DAPK1: variants seen among roughly 807,000 people sequenced by gnomAD.
DAPK1 encodes the protein death associated protein kinase 1, also known as death-associated protein kinase 1.
Under a neutral mutation model 144.9 loss-of-function variants are expected in DAPK1, and 56 were observed. That is an observed-to-expected ratio of 0.39 (90% confidence interval 0.31 to 0.48). DAPK1 has a LOEUF of 0.48. Among genes scored for constraint, DAPK1 ranks in the 20% least tolerant of loss-of-function variants. The probability of loss-of-function intolerance (pLI) is 0.95; values close to 1 mark genes in which losing one functional copy is unlikely to be tolerated. For synonymous variants in DAPK1, 690 were observed against 749.0 expected (o/e 0.92, Z 1.29); for missense variants, 1,454 against 1,875.4 (o/e 0.78, Z 4.15).
intron 3 of DAPK1, among the ~76,000 whole-genome samples, chr9:87,606,858 A>G (rs13298837): frequency 0.13 from 18,679 of 144,634 alleles, 1,247 homozygotes; most frequent in East Asian, 0.21. Flanking sequence ...GCAGTTCTCA[A>G]TCTTGGCACA....
At chr9:87,675,645 A>G in intron 19 of DAPK1, among the ~76,000 whole-genome samples, 1 of 151,882 alleles carries the variant, frequency 6.6e-6, no homozygotes, top group African/African-American at 2.4e-5. Flanking sequence ...CTCAGACTGG[A>G]GCCTCAGGGT....
chr9:87,593,651 C>T (rs1828216319), intron 2 of DAPK1, among the ~76,000 whole-genome samples: 1 of 151,666 alleles, frequency 6.6e-6, no homozygotes, highest in Admixed American at 6.6e-5. Flanking sequence ...ATCTGACTTT[C>T]TTCTTCTTCT....
intron 2 of DAPK1, among the ~76,000 whole-genome samples, chr9:87,511,573 T>G (rs1824843252): frequency 6.6e-6 from 1 of 152,204 alleles, no homozygotes; most frequent in African/African-American, 2.4e-5. Flanking sequence ...GATATCATCC[T>G]GGTGTTACAG....
intron 19 of DAPK1, among the ~76,000 whole-genome samples, chr9:87,678,439 G>A (rs1372524251): frequency 6.6e-6 from 1 of 152,194 alleles, no homozygotes; most frequent in Non-Finnish European, 1.5e-5. Flanking sequence ...CCCCACAGAC[G>A]CCCACGGACA....
At chr9:87,518,719 CGTA>C (rs1219464487) in intron 2 of DAPK1, among the ~76,000 whole-genome samples, 1 of 152,072 alleles carries the variant, frequency 6.6e-6, no homozygotes, top group African/African-American at 2.4e-5. Context: ...TGTGGAGTAG[CGTA>C]GAACCGTATG....
chr9:87,664,958 C>T (rs1587825902), intron 18 of DAPK1, among the ~76,000 whole-genome samples: 1 of 152,212 alleles, frequency 6.6e-6, no homozygotes, highest in Non-Finnish European at 1.5e-5. Flanking sequence ...CGCCCGGGGG[C>T]CTTTGCACTT....
At position 87,640,822 on chromosome 9, in the gene DAPK1, A is replaced by G. The variant is rs1445117779; in HGVS notation, c.803A>G (p.Asp268Gly). Reference sequence around the variant, plus strand: ...TCAAGGAAGAGAATGACAATTCAAGATAGTTTGCAGCATCCCTGGATCAAG... The same window carrying G: ...TCAAGGAAGAGAATGACAATTCAAGGTAGTTTGCAGCATCCCTGGATCAAG... ...KDPKKRMTIQ[D>G]SLQHPWIKPK... Residue 268 changes from aspartate to glycine, a missense_variant, in exon 9 of 26, where the codon GAT becomes GGT. Physicochemically the swap from Asp to Gly is moderately conservative, Grantham distance 94. Around this residue, in one of 2 missense-constraint regions of DAPK1, gnomAD observed 429 missense variants for 637.5 expected, o/e 0.67. Transcript: ENST00000408954. 11 of 1,614,118 alleles carry G rather than the reference A, an allele frequency of 6.8e-6. No homozygotes were observed. Among genetic ancestry groups the G allele is most frequent in the South Asian group, 3.3e-5 (3 of 91,080 alleles).
Position 87,598,427 on chromosome 9 carries a change from G to A in DAPK1, c.63-6527G>A, listed in dbSNP as rs148382720. On this transcript the variant is annotated intron_variant, in intron 2 of 25. Transcript: ENST00000408954. Reference sequence around the variant, plus strand: ...ATAATTTTTAACTGCATATGTATTCGGTAGATGCATATTTAAAGTAAAAAC... The same window carrying A: ...ATAATTTTTAACTGCATATGTATTCAGTAGATGCATATTTAAAGTAAAAAC... Among the ~76,000 whole-genome samples the A allele has an allele frequency of 5.7e-3, 865 of 152,152 alleles. 6 individuals are homozygous for A. Among genetic ancestry groups the A allele is most frequent in the African/African-American group, 0.02 (831 of 41,508 alleles).
intron 18 of DAPK1, among the ~76,000 whole-genome samples, chr9:87,664,989 G>A (rs1343550989): frequency 6.6e-6 from 1 of 152,154 alleles, no homozygotes. Flanking sequence ...GGCCTGAGTG[G>A]CTCTTCCCCA....
intron 13 of DAPK1, 128 bp downstream of exon 13, chr9:87,646,687 G>A: frequency 1.4e-6 from 1 of 693,272 alleles, no homozygotes; most frequent in Non-Finnish European, 2.4e-6. Context: ...AGGAAGATGA[G>A]CTGCTTTTAA....
intron 2 of DAPK1, among the ~76,000 whole-genome samples, chr9:87,502,631 T>A (rs1200757980): frequency 6.6e-6 from 1 of 152,150 alleles, no homozygotes; most frequent in Non-Finnish European, 1.5e-5. Flanking sequence ...TATTGCACCA[T>A]CTGACCTTAT....
intron 2 of DAPK1, among the ~76,000 whole-genome samples, chr9:87,592,731 T>G (rs985590120): frequency 1.3e-5 from 2 of 151,994 alleles, no homozygotes; most frequent in Non-Finnish European, 2.9e-5. Flanking sequence ...TTCCAGGGAG[T>G]TCTGCTTCCA....
At chr9:87,687,904 T>A (rs922663979) in intron 21 of DAPK1, among the ~76,000 whole-genome samples, 1 of 152,224 alleles carries the variant, frequency 6.6e-6, no homozygotes, top group Admixed American at 6.5e-5. Context: ...TTAGTGATAT[T>A]GAACATTTTT....
At chr9:87,643,500 T>C (rs62576207) in intron 11 of DAPK1, 32 bp downstream of exon 11, 686,920 of 1,397,978 alleles carry the variant, frequency 0.49, 173,551 homozygotes, top group East Asian at 0.75. Context: ...GGTGCTCCTT[T>C]CTTAGCACTG....
At chr9:87,659,473 T>C (rs1587819943) in intron 18 of DAPK1, among the ~76,000 whole-genome samples, 1 of 152,214 alleles carries the variant, frequency 6.6e-6, no homozygotes. Context: ...CGAAGAAATA[T>C]TTTTGTCCTA....
At chr9:87,617,521 C>G (rs1381181364) in intron 3 of DAPK1, among the ~76,000 whole-genome samples, 1 of 152,222 alleles carries the variant, frequency 6.6e-6, no homozygotes, top group Non-Finnish European at 1.5e-5. Flanking sequence ...TCCATACTCA[C>G]TCCCTTCTCT....
At chr9:87,525,683 C>G (rs1177619227) in intron 2 of DAPK1, among the ~76,000 whole-genome samples, 2 of 147,626 alleles carry the variant, frequency 1.4e-5, no homozygotes, top group African/African-American at 5.4e-5. Context: ...TCCACCTCCT[C>G]CATGTTTTCC....
At chr9:87,603,743 A>C (rs1385122726) in intron 2 of DAPK1, among the ~76,000 whole-genome samples, 1 of 152,166 alleles carries the variant, frequency 6.6e-6, no homozygotes, top group Admixed American at 6.5e-5. Flanking sequence ...CTAGGGAAGA[A>C]CGAAGGGCAC....
intron 2 of DAPK1, among the ~76,000 whole-genome samples, chr9:87,570,345 T>G (rs1181063886): frequency 6.6e-6 from 1 of 152,210 alleles, no homozygotes; most frequent in Non-Finnish European, 1.5e-5. Flanking sequence ...TACTAGAAGT[T>G]GTCCATTAGC....
Sources: allele counts gnomAD v4.1 joint callset (sites outside exome capture counted in the v4.1 genomes callset), GRCh38; gene constraint gnomAD v4.1.1; regional missense constraint gnomAD v4.1.1; transcripts MANE v1.5; gene names NCBI Gene and HGNC (gene_info 2026-07-23, HGNC 2026-07-21).